The following CELF2 variants were observed in gnomAD, a reference collection of about 807,000 sequenced individuals.
CELF2 encodes CUGBP Elav-like family member 2.
CELF2 carries 8 observed loss-of-function variants against 62.6 expected under a neutral mutation model. The observed-to-expected ratio is 0.13, with a 90% CI of 0.07 to 0.23. CELF2 has a LOEUF of 0.23. Among genes scored for constraint, CELF2 ranks in the 10% least tolerant of loss-of-function variants. The pLI, the probability that CELF2 is intolerant of heterozygous loss-of-function variation, is 1.00. For synonymous variants in CELF2, 258 were observed against 250.0 expected (o/e 1.03, Z -0.30); for missense variants, 333 against 671.0 (o/e 0.50, Z 5.56).
At chr10:10,686,027 C>T in the CELF2 span, among the ~76,000 whole-genome samples, 1 of 152,126 alleles carries the variant, frequency 6.6e-6, no homozygotes, top group Non-Finnish European at 1.5e-5. Context: ...GCTACGCAAA[C>T]CGCACCTAAC....
At chr10:10,755,704 T>G in the CELF2 span, among the ~76,000 whole-genome samples, 1 of 152,210 alleles carries the variant, frequency 6.6e-6, no homozygotes. Flanking sequence ...CGATGTTATA[T>G]CACGTGATCC....
chr10:10,904,048 C>CGCT (rs1564795599), intron 1 of CELF2, among the ~76,000 whole-genome samples: 2 of 152,182 alleles, frequency 1.3e-5, no homozygotes, highest in Non-Finnish European at 2.9e-5. Flanking sequence ...CTGTGGATCA[C>CGCT]GCTGCTGTGT....
Position 11,297,416 on chromosome 10 carries a change from G to T in CELF2, c.976+8864G>T, listed in dbSNP as rs955950962. ...ACCAGCAAGGCAAGGCGGGGACCAG[G>T]TGCAGAAAGCCTTGGGGTCTGTGCT... On this transcript the variant is annotated intron_variant, in intron 9 of 12. Coordinates refer to ENST00000633077, the MANE Select transcript of CELF2 (RefSeq NM_001326342.2). The surrounding 1 kb of genome is among the most constrained non-coding windows in gnomAD (Gnocchi z 4.4). 6.6e-6 allele frequency among the ~76,000 whole-genome samples: 1 copy of T among 152,268 alleles called. No individual in the cohort carries two copies. Among genetic ancestry groups the T allele is most frequent in the Non-Finnish European group, 1.5e-5 (1 of 68,010 alleles).
In CELF2 at chr10:11,305,656, C is replaced by T. The variant is rs755038078; in HGVS notation, c.977-8483C>T. Among the ~76,000 whole-genome samples, 14 of 152,182 alleles carry T rather than the reference C, an allele frequency of 9.2e-5. No individual in the cohort carries two copies. The highest frequency in any genetic ancestry group is 1.6e-4 in the Non-Finnish European group (11 of 68,018). On this transcript the variant is annotated intron_variant, in intron 9 of 12. Transcript: ENST00000633077. The surrounding 1 kb of genome is among the most constrained non-coding windows in gnomAD (Gnocchi z 4.8). Reference sequence around the variant, plus strand: ...TCTAGCACCTAATGACCTAGGCACTCGGTCTCTGACCTACAGTGTTAACCT... The same window carrying T: ...TCTAGCACCTAATGACCTAGGCACTTGGTCTCTGACCTACAGTGTTAACCT...
rs2095433442 is a variant in CELF2, at chr10:11,321,478, C to CCCATG, written c.1294+93_1294+97dup. 1.0e-6 allele frequency: 1 copy of CCCATG among 987,260 alleles called. No individual in the cohort carries two copies. The highest frequency in any genetic ancestry group is 1.5e-6 in the Non-Finnish European group (1 of 675,778). The allele number at this position is 987,260 out of a possible 1,614,324, so 61.2% of individuals were successfully genotyped here. On this transcript the variant is annotated intron_variant, in intron 11 of 12. Coordinates refer to ENST00000633077, the MANE Select transcript of CELF2 (RefSeq NM_001326342.2). This position sits in a 1 kb window ranked among gnomAD's most constrained non-coding sequence, Gnocchi z 6.2. ...TTAGAAGGTATCAAATTGAACTGAA[C>CCCATG]CCATGTCATAACAGAAAGCAGTTGT... is the stretch of plus-strand genomic sequence containing the variant.
chr10:10,833,277 A>G (rs2058024547), intron 1 of CELF2, among the ~76,000 whole-genome samples: 1 of 152,210 alleles, frequency 6.6e-6, no homozygotes, highest in Non-Finnish European at 1.5e-5. Flanking sequence ...TAGCAGATTC[A>G]GTTCAAAACC....
At chr10:10,970,611 C>T (rs867952919) in intron 2 of CELF2, 52 of 152,122 alleles carry the variant, frequency 3.4e-4, no homozygotes, top group African/African-American at 1.1e-3. Flanking sequence ...AAATATTACC[C>T]AAAGCACTGA....
intron 8 of CELF2, among the ~76,000 whole-genome samples, chr10:11,286,159 G>A (rs2091242654): frequency 6.6e-6 from 1 of 152,192 alleles, no homozygotes; most frequent in South Asian, 2.1e-4. Context: ...CCTTGGCCAG[G>A]GACCTCATGT....
chr10:11,320,981 AGTG>A, intron 10 of CELF2: 1 of 1,473,870 alleles, frequency 6.8e-7, no homozygotes, highest in East Asian at 2.5e-5. Context: ...TGGCCTAGGG[AGTG>A]AGGGTTCTCA....
chr10:10,731,082 C>A, the CELF2 span, among the ~76,000 whole-genome samples: 1 of 152,134 alleles, frequency 6.6e-6, no homozygotes, highest in East Asian at 1.9e-4. Flanking sequence ...TTAACCTTCA[C>A]AATCATCTCA....
chr10:11,301,861 C>T (rs1180538181), intron 9 of CELF2, among the ~76,000 whole-genome samples: 6 of 152,154 alleles, frequency 3.9e-5, no homozygotes, highest in South Asian at 2.1e-4. Flanking sequence ...CCAGTTAGGC[C>T]GCGGGAGGTG....
intron 1 of CELF2, among the ~76,000 whole-genome samples, chr10:11,099,644 G>A (rs902864558): frequency 1.3e-5 from 2 of 151,950 alleles, no homozygotes; most frequent in Non-Finnish European, 2.9e-5. Flanking sequence ...TTTTGTAGTC[G>A]GTGCTACTCA....
At chr10:11,202,428 G>GAC (rs1565268494) in intron 2 of CELF2, among the ~76,000 whole-genome samples, 1 of 152,206 alleles carries the variant, frequency 6.6e-6, no homozygotes, top group Non-Finnish European at 1.5e-5. Context: ...CAGTGAGATG[G>GAC]ACACAGTATG....
In CELF2 at chr10:10,935,273, C is replaced by A. The variant is rs555979103; in HGVS notation, c.89+15274C>A. On this transcript the variant is annotated intron_variant, in intron 2 of 13. Transcript: ENST00000636488. ...GATGACAGTGTTCAGCTGAGAAAGTCCTATCCAACTGCAACTTCCATGATG... is the reference window on the plus strand; with the variant it reads ...GATGACAGTGTTCAGCTGAGAAAGTACTATCCAACTGCAACTTCCATGATG... The A allele has an allele frequency of 7.9e-5, 12 of 152,280 alleles. No individual in the cohort carries two copies. In the South Asian group the frequency reaches 1.9e-3, roughly 24 times the overall value. The allele number at this position is 152,280 out of a possible 1,614,324, so 9.4% of individuals were successfully genotyped here.
chr10:10,567,117 A>G, the CELF2 span, among the ~76,000 whole-genome samples: 1 of 152,232 alleles, frequency 6.6e-6, no homozygotes, highest in Non-Finnish European at 1.5e-5. Context: ...CAAAATTTCC[A>G]GGTAGACTTC....
intron 1 of CELF2, among the ~76,000 whole-genome samples, chr10:10,806,325 C>T (rs1432075468): frequency 6.6e-6 from 1 of 151,952 alleles, no homozygotes; most frequent in Non-Finnish European, 1.5e-5. Context: ...CTGCCTCAGC[C>T]TCCTGAGTAG....
At chr10:10,874,815 G>A (rs1392282978) in intron 1 of CELF2, among the ~76,000 whole-genome samples, 1 of 152,142 alleles carries the variant, frequency 6.6e-6, no homozygotes, top group East Asian at 1.9e-4. Flanking sequence ...AATGACACAA[G>A]CATTTCAATA....
At chr10:11,265,719 A>G (rs2082024468) in intron 5 of CELF2, among the ~76,000 whole-genome samples, 1 of 152,258 alleles carries the variant, frequency 6.6e-6, no homozygotes, top group African/African-American at 2.4e-5. Flanking sequence ...AAGCAGGAGC[A>G]GGCACTACAG....
At chr10:11,050,004 GC>G (rs1456195927) in intron 1 of CELF2, among the ~76,000 whole-genome samples, 4 of 152,210 alleles carry the variant, frequency 2.6e-5, no homozygotes. Flanking sequence ...GCCACCTGTG[GC>G]CTGTCAGGTG....
Sources: allele counts gnomAD v4.1 joint callset (sites outside exome capture counted in the v4.1 genomes callset), GRCh38; gene constraint gnomAD v4.1.1; non-coding constraint Gnocchi (gnomAD v3.1); transcripts MANE v1.5; gene names NCBI Gene and HGNC (gene_info 2026-07-23, HGNC 2026-07-21).